The following CHRNA9 variants were observed in gnomAD, a reference collection of about 807,000 sequenced individuals.
The protein encoded by CHRNA9 is cholinergic receptor nicotinic alpha 9 subunit.
CHRNA9 carries 24 observed loss-of-function variants against 36.8 expected under a neutral mutation model. That is an observed-to-expected ratio of 0.65 (90% CI 0.47 to 0.92). The LOEUF is 0.92. Ranked by LOEUF, CHRNA9 falls within the 40% of genes least tolerant of loss-of-function variation. The pLI is 0.00. For missense variants in CHRNA9, 610 were observed against 601.2 expected, an observed-to-expected ratio of 1.01 and a Z score of -0.15; for synonymous variants, 231 against 231.8, an observed-to-expected ratio of 1.00 and a Z score of 0.03.
intron 3 of CHRNA9, among the ~76,000 whole-genome samples, chr4:40,339,592 G>A (rs113226501): frequency 0.14 from 20,892 of 150,218 alleles, 1,515 homozygotes; most frequent in African/African-American, 0.16. Flanking sequence ...CGTGAACCCG[G>A]GAGGCGGAGC....
intron 4 of CHRNA9, among the ~76,000 whole-genome samples, chr4:40,351,627 G>C (rs117121813): frequency 6.6e-6 from 1 of 152,114 alleles, no homozygotes; most frequent in African/African-American, 2.4e-5. Context: ...CCTTGATATC[G>C]GTTTCTGGCC....
chr4:40,343,118 C>T (rs1245804620), intron 3 of CHRNA9, among the ~76,000 whole-genome samples: 1 of 152,186 alleles, frequency 6.6e-6, no homozygotes, highest in African/African-American at 2.4e-5. Context: ...GCCTGCTCCT[C>T]TCCAGTTCCC....
At chr4:40,344,368 C>T (rs1404358776) in intron 3 of CHRNA9, among the ~76,000 whole-genome samples, 1 of 152,016 alleles carries the variant, frequency 6.6e-6, no homozygotes, top group African/African-American at 2.4e-5. Context: ...CCCGTCTCTA[C>T]TAAAAATACA....
intron 2 of CHRNA9, among the ~76,000 whole-genome samples, 187 bp from the exon 3 acceptor site, chr4:40,337,023 G>A (rs1177758790): frequency 2.7e-5 from 4 of 150,012 alleles, no homozygotes; most frequent in African/African-American, 5.0e-5. Flanking sequence ...CTAAATCTAG[G>A]AGGAAAAAAA....
intron 3 of CHRNA9, among the ~76,000 whole-genome samples, chr4:40,344,914 G>A (rs979755597): frequency 1.3e-5 from 2 of 152,218 alleles, no homozygotes; most frequent in Non-Finnish European, 2.9e-5. Flanking sequence ...GGCAGGGAAG[G>A]CTTCACAGAG....
At chr4:40,336,501 C>T (rs1028034538) in intron 2 of CHRNA9, among the ~76,000 whole-genome samples, 1 of 151,768 alleles carries the variant, frequency 6.6e-6, no homozygotes, top group Non-Finnish European at 1.5e-5. Flanking sequence ...TTTTTTGAGA[C>T]GGAGTCTTGC....
At position 40,335,354 on chromosome 4, in the gene CHRNA9, G is replaced by A. The variant is rs886559261; in HGVS notation, c.-114G>A. 2.7e-5 allele frequency: 22 copies of A among 806,104 alleles called. No individual in the cohort carries two copies. The highest frequency in any genetic ancestry group is 1.8e-4 in the African/African-American group (11 of 59,506). 49.9% of individuals were successfully genotyped at this position (806,104 alleles called of 1,614,324 possible). A position where few individuals can be genotyped will look rare whatever the true frequency, so the allele number is the denominator to read the frequency against. On this transcript the variant is annotated 5_prime_UTR_variant, in exon 1 of 5. Transcript: ENST00000310169. Reference sequence around the variant, plus strand: ...ATGCAATGCAAGCCTGAGCTCTCCCGCCATAAGGCTGCAGCGGTGTGGGCT... The same window carrying A: ...ATGCAATGCAAGCCTGAGCTCTCCCACCATAAGGCTGCAGCGGTGTGGGCT...
At chr4:40,344,992 A>G (rs562642247) in intron 3 of CHRNA9, among the ~76,000 whole-genome samples, 1 of 152,274 alleles carries the variant, frequency 6.6e-6, no homozygotes, top group African/African-American at 2.4e-5. Context: ...GACTATTATG[A>G]GTTGAAGAAA....
chr4:40,350,572 A>G (rs1231197160), intron 4 of CHRNA9, among the ~76,000 whole-genome samples: 2 of 152,114 alleles, frequency 1.3e-5, no homozygotes, highest in Non-Finnish European at 2.9e-5. Flanking sequence ...AGAGTCCAAT[A>G]TCAGGAGATG....
chr4:40,348,514 T>A (rs1712699388), intron 3 of CHRNA9, among the ~76,000 whole-genome samples: 1 of 151,976 alleles, frequency 6.6e-6, no homozygotes, highest in African/African-American at 2.4e-5. Context: ...ATATATTATT[T>A]TAATATTCTA....
At chr4:40,346,277 C>T (rs58441171) in intron 3 of CHRNA9, among the ~76,000 whole-genome samples, 26,697 of 152,184 alleles carry the variant, frequency 0.18, 2,696 homozygotes, top group African/African-American at 0.28. Context: ...ATCATGGTGA[C>T]CTACTTCATG....
chr4:40,341,917 C>A (rs1712511233), intron 3 of CHRNA9, among the ~76,000 whole-genome samples: 1 of 152,118 alleles, frequency 6.6e-6, no homozygotes, highest in South Asian at 2.1e-4. Context: ...TTTTACAAAC[C>A]TTTTTATAGA....
At chr4:40,340,876 A>ATC (rs1712479424) in intron 3 of CHRNA9, among the ~76,000 whole-genome samples, 1 of 151,642 alleles carries the variant, frequency 6.6e-6, no homozygotes, top group Admixed American at 6.6e-5. Flanking sequence ...ACCTTAGGTA[A>ATC]TCAGAGAGAA....
Position 40,349,390 on chromosome 4 carries a change from G to A in CHRNA9, c.874G>A (p.Ala292Thr), listed in dbSNP as rs1442653999. 1.2e-6 allele frequency: 2 copies of A among 1,613,578 alleles called. No individual in the cohort carries two copies. The highest frequency in any genetic ancestry group is 1.7e-5 in the Admixed American group (1 of 59,980). Residue 292 changes from alanine (A) to threonine (T), a missense_variant, in exon 4 of 5, where the codon GCC (alanine) becomes ACC (threonine). Physicochemically the swap from Ala to Thr is moderately conservative, Grantham distance 58. Transcript: ENST00000310169. Reference protein sequence around the residue: ...FQLMVAEIMPASENVPLIGKY... With the variant: ...FQLMVAEIMPTSENVPLIGKY... The stretch of plus-strand genomic sequence containing the variant: ...GCTAATGGTGGCAGAAATCATGCCG[G>A]CCTCAGAAAATGTGCCCCTGATAGG...
intron 3 of CHRNA9, 50 bp from the exon 4 acceptor site, chr4:40,348,832 T>C (rs373162363): frequency 1.3e-6 from 2 of 1,571,386 alleles, no homozygotes; most frequent in East Asian, 2.3e-5. Flanking sequence ...GTAAGGAAGG[T>C]GGCAAGTTCT....
At chr4:40,336,320 G>A (rs1577542966) in intron 2 of CHRNA9, among the ~76,000 whole-genome samples, 1 of 152,280 alleles carries the variant, frequency 6.6e-6, no homozygotes, top group South Asian at 2.1e-4. Flanking sequence ...CGGGGAAAAC[G>A]GCCAGTGAGT....
At chr4:40,341,508 G>A (rs538253324) in intron 3 of CHRNA9, among the ~76,000 whole-genome samples, 3 of 152,228 alleles carry the variant, frequency 2.0e-5, no homozygotes, top group East Asian at 3.9e-4. Flanking sequence ...CTGATTGGTT[G>A]TAGGTCACAT....
At chr4:40,337,400 G>T in intron 3 of CHRNA9, 36 bp downstream of exon 3, 1 of 1,581,386 alleles carries the variant, frequency 6.3e-7, no homozygotes, top group South Asian at 1.1e-5. Flanking sequence ...TTTCAGGCAT[G>T]AACGTGTTGA....
At chr4:40,339,194 A>G (rs1712422555) in intron 3 of CHRNA9, among the ~76,000 whole-genome samples, 1 of 144,742 alleles carries the variant, frequency 6.9e-6, no homozygotes, top group African/African-American at 2.6e-5. Flanking sequence ...CAGGAAACTC[A>G]CTTAAACCCG....
Sources: gnomAD v4.1 joint callset for allele counts (sites outside exome capture counted in the v4.1 genomes callset) on GRCh38, gnomAD v4.1.1 for gene constraint, MANE v1.5 for transcripts, NCBI Gene and HGNC (gene_info 2026-07-23, HGNC 2026-07-21) for gene names.